RAPGEF6: variants seen among roughly 807,000 people sequenced by gnomAD.
RAPGEF6 encodes Rap guanine nucleotide exchange factor 6, also known as PDZ domain containing guanine nucleotide exchange factor (GEF) 2.
RAPGEF6 carries 56 observed loss-of-function variants against 171.4 expected under a neutral mutation model. The observed-to-expected ratio is 0.33, with a 90% CI of 0.26 to 0.41. The LOEUF is 0.41. RAPGEF6 is among the 10% of genes least tolerant of loss of function. RAPGEF6 has a pLI of 1.00. For missense variants in RAPGEF6, 1,674 were observed against 1,921.4 expected (o/e 0.87, Z 2.41); for synonymous variants, 692 against 650.1 (o/e 1.06, Z -0.98).
At chr5:131,479,485 C>T (rs1304256781) in intron 16 of RAPGEF6, 28 bp downstream of exon 16, 1 of 1,606,826 alleles carries the variant, frequency 6.2e-7, no homozygotes, top group Non-Finnish European at 8.5e-7. Flanking sequence ...ATGAAAATTC[C>T]TGCATAGCTA....
intron 17 of RAPGEF6, chr5:131,472,092 G>A: frequency 7.3e-6 from 1 of 137,282 alleles, no homozygotes; most frequent in Non-Finnish European, 1.5e-5. Flanking sequence ...TTTTTTTTGA[G>A]ACGGAGTCTT....
chr5:131,589,341 A>G (rs1397695074), intron 4 of RAPGEF6, among the ~76,000 whole-genome samples: 1 of 152,152 alleles, frequency 6.6e-6, no homozygotes, highest in Non-Finnish European at 1.5e-5. Context: ...TTGAAGGTAA[A>G]CTTTATAAGG....
intron 4 of RAPGEF6, among the ~76,000 whole-genome samples, chr5:131,566,617 C>T (rs1211562902): frequency 1.3e-5 from 2 of 152,196 alleles, no homozygotes; most frequent in East Asian, 1.9e-4. Flanking sequence ...ATTTTCTCTA[C>T]CATTACCCTA....
intron 14 of RAPGEF6, among the ~76,000 whole-genome samples, chr5:131,490,347 G>C (rs1031015497): frequency 6.6e-6 from 1 of 151,508 alleles, no homozygotes; most frequent in Non-Finnish European, 1.5e-5. Context: ...AAGAAAAAGA[G>C]TGAAAAAATA....
At chr5:131,516,150 G>A (rs1362502487) in intron 7 of RAPGEF6, among the ~76,000 whole-genome samples, 3 of 133,444 alleles carry the variant, frequency 2.2e-5, no homozygotes, top group African/African-American at 8.6e-5. Flanking sequence ...GTGCAGTGGT[G>A]CGATCTTGGC....
At chr5:131,514,841 C>T (rs956107800) in intron 7 of RAPGEF6, among the ~76,000 whole-genome samples, 10 of 152,148 alleles carry the variant, frequency 6.6e-5, no homozygotes, top group Non-Finnish European at 1.3e-4. Context: ...GACTCATCCC[C>T]AGCCTTTCAA....
At chr5:131,606,732 G>T (rs148032721) in intron 1 of RAPGEF6, among the ~76,000 whole-genome samples, 1 of 152,294 alleles carries the variant, frequency 6.6e-6, no homozygotes, top group African/African-American at 2.4e-5. Context: ...AAAAGAATAC[G>T]ATAGAAGTGA....
rs36091456 is a variant in RAPGEF6, at chr5:131,517,780, TACACACACACACACACACACACACAC to T, written c.627+3584_627+3609del. ...ATCTGATTGGAAACATTCGCGCATG[TACACACACACACACACACACACACAC>T]ACACACACACACACACAAAATTTAG... On this transcript the variant is annotated intron_variant, in intron 7 of 27. Coordinates refer to ENST00000509018, the MANE Select transcript of RAPGEF6 (RefSeq NM_016340.6). Among the ~76,000 whole-genome samples, 33 of 140,488 alleles carry T rather than the reference TACACACACACACACACACACACACAC, an allele frequency of 2.3e-4. 1 individual carries two copies. The highest frequency in any genetic ancestry group is 6.6e-4 in the African/African-American group (25 of 38,140). 92.2% of individuals were successfully genotyped at this position (140,488 alleles called of 152,430 possible).
intron 23 of RAPGEF6, among the ~76,000 whole-genome samples, chr5:131,440,844 C>T (rs1752342907): frequency 6.6e-6 from 1 of 151,784 alleles, no homozygotes; most frequent in African/African-American, 2.4e-5. Flanking sequence ...CTAACTTTGT[C>T]CCTCTCTCAC....
At chr5:131,465,277 T>A (rs1215374706) in intron 17 of RAPGEF6, among the ~76,000 whole-genome samples, 1 of 152,204 alleles carries the variant, frequency 6.6e-6, no homozygotes, top group African/African-American at 2.4e-5. Context: ...ACAATGTTTA[T>A]ATGATAAGCA....
At chr5:131,501,952 A>G (rs1757052731) in intron 11 of RAPGEF6, among the ~76,000 whole-genome samples, 1 of 152,210 alleles carries the variant, frequency 6.6e-6, no homozygotes, top group African/African-American at 2.4e-5. Context: ...ACACTTCAGT[A>G]ACAATGAATA....
Position 131,563,572 on chromosome 5 carries a change from C to G in RAPGEF6, c.282-1525G>C, listed in dbSNP as rs188332687. Among the ~76,000 whole-genome samples the G allele has an allele frequency of 2.0e-5, 3 of 152,290 alleles. No individual in the cohort carries two copies. In the South Asian group the frequency reaches 6.2e-4, roughly 32 times the overall value. On this transcript the variant is annotated intron_variant, in intron 4 of 27. Coordinates refer to ENST00000509018, the MANE Select transcript of RAPGEF6 (RefSeq NM_016340.6). ...AGGCTGCAGTGCAGTGGTGCAATCA[C>G]GGCTCACTGTAGCCTCGACATCCCT...
chr5:131,470,204 C>T (rs1754648196), intron 17 of RAPGEF6, among the ~76,000 whole-genome samples: 1 of 152,070 alleles, frequency 6.6e-6, no homozygotes, highest in Non-Finnish European at 1.5e-5. Flanking sequence ...GTTCACATTA[C>T]TGGTATAAGC....
chr5:131,450,176 C>T (rs1179636292), intron 21 of RAPGEF6: 3 of 974,414 alleles, frequency 3.1e-6, no homozygotes, highest in South Asian at 1.5e-5. Context: ...GAAAAAATTA[C>T]AGCTTAACAG....
At chr5:131,437,648 C>T (rs1407969587) in intron 24 of RAPGEF6, among the ~76,000 whole-genome samples, 19 of 152,178 alleles carry the variant, frequency 1.2e-4, no homozygotes, top group Non-Finnish European at 2.9e-5. Flanking sequence ...ACAACAGGAT[C>T]AAAATCTGTG....
chr5:131,591,214 A>T (rs560354187), intron 4 of RAPGEF6, among the ~76,000 whole-genome samples: 1 of 152,284 alleles, frequency 6.6e-6, no homozygotes, highest in Admixed American at 6.5e-5. Context: ...TTACTTTAAA[A>T]GCCTAGAAAT....
intron 4 of RAPGEF6, among the ~76,000 whole-genome samples, chr5:131,570,515 A>C (rs1580594405): frequency 6.6e-6 from 1 of 152,224 alleles, no homozygotes; most frequent in East Asian, 1.9e-4. Flanking sequence ...TTTTGATAGA[A>C]GCATTTTTGT....
intron 3 of RAPGEF6, among the ~76,000 whole-genome samples, chr5:131,593,986 T>C (rs1007540615): frequency 6.6e-6 from 1 of 152,028 alleles, no homozygotes; most frequent in Admixed American, 6.6e-5. Flanking sequence ...GCTGCAGAAA[T>C]GTGCACAAAA....
At chr5:131,631,508 T>G (rs1355383186) in intron 1 of RAPGEF6, among the ~76,000 whole-genome samples, 2 of 151,840 alleles carry the variant, frequency 1.3e-5, no homozygotes, top group Non-Finnish European at 2.9e-5. Flanking sequence ...ACTTAACCAC[T>G]TCTCACCACT....
Sources: gnomAD v4.1 joint callset for allele counts (sites outside exome capture counted in the v4.1 genomes callset) on GRCh38, gnomAD v4.1.1 for gene constraint, MANE v1.5 for transcripts, NCBI Gene and HGNC (gene_info 2026-07-23, HGNC 2026-07-21) for gene names.